Variants in QTMAN observed in about 807,000 individuals in gnomAD.
QTMAN encodes the protein tRNA-queuosine alpha-mannosyltransferase.
chr2:143,966,990 G>C, the QTMAN span, among the ~76,000 whole-genome samples: 4 of 152,354 alleles, frequency 2.6e-5, no homozygotes, highest in East Asian at 7.7e-4. Flanking sequence ...CAATGGTCCT[G>C]CAGTGATACA....
chr2:144,224,710 C>A, the QTMAN span, among the ~76,000 whole-genome samples: 7 of 152,112 alleles, frequency 4.6e-5, no homozygotes, highest in East Asian at 1.4e-3. Flanking sequence ...ACAGCAAGAC[C>A]CTGATAAGAC....
the QTMAN span, among the ~76,000 whole-genome samples, chr2:144,067,661 G>C: frequency 6.6e-6 from 1 of 152,172 alleles, no homozygotes. Flanking sequence ...GGTACCGCCA[G>C]AGAAGAAGGT....
the QTMAN span, among the ~76,000 whole-genome samples, chr2:144,246,561 C>T: frequency 8.8e-6 from 1 of 113,484 alleles, no homozygotes; most frequent in Admixed American, 1.4e-4. Flanking sequence ...GCCTGGGCGA[C>T]AGAGCGAGAC....
the QTMAN span, among the ~76,000 whole-genome samples, chr2:144,161,253 T>C: frequency 6.6e-6 from 1 of 152,174 alleles, no homozygotes; most frequent in Non-Finnish European, 1.5e-5. Context: ...ATCAGATCAC[T>C]TGGACATCAC....
chr2:144,144,586 C>A, the QTMAN span, among the ~76,000 whole-genome samples: 1 of 151,818 alleles, frequency 6.6e-6, no homozygotes, highest in South Asian at 2.1e-4. Flanking sequence ...AATTTTAAAA[C>A]GGCTGCTTTT....
At chr2:144,288,710 G>C in the QTMAN span, among the ~76,000 whole-genome samples, 1 of 152,068 alleles carries the variant, frequency 6.6e-6, no homozygotes, top group African/African-American at 2.4e-5. Flanking sequence ...GAATATCCCT[G>C]GAATTGTCTA....
chr2:144,233,052 G>A, the QTMAN span, among the ~76,000 whole-genome samples: 14 of 152,212 alleles, frequency 9.2e-5, no homozygotes, highest in South Asian at 2.7e-3. Flanking sequence ...CTAAAAGTGA[G>A]TATTCAATTT....
the QTMAN span, among the ~76,000 whole-genome samples, chr2:144,197,585 AAATT>A: frequency 6.6e-6 from 1 of 152,158 alleles, no homozygotes; most frequent in South Asian, 2.1e-4. Context: ...AATTTTGACT[AAATT>A]AATTTATATC....
At chr2:144,215,070 A>C in the QTMAN span, among the ~76,000 whole-genome samples, 3 of 151,962 alleles carry the variant, frequency 2.0e-5, no homozygotes, top group East Asian at 5.8e-4. Context: ...GTGAGGCTCC[A>C]TCTCTACAAA....
chr2:144,237,406 T>C, the QTMAN span: 1 of 152,112 alleles, frequency 6.6e-6, no homozygotes, highest in Admixed American at 6.6e-5. Context: ...TCATTATCTC[T>C]ACACTTCAAA....
At chr2:144,229,616 G>A in the QTMAN span, among the ~76,000 whole-genome samples, 2 of 152,150 alleles carry the variant, frequency 1.3e-5, no homozygotes, top group South Asian at 2.1e-4. Context: ...AAGGATCTTA[G>A]CATATAGGAT....
the QTMAN span, among the ~76,000 whole-genome samples, chr2:144,032,568 G>A: frequency 5.3e-5 from 8 of 152,316 alleles, no homozygotes; most frequent in African/African-American, 1.9e-4. Flanking sequence ...AAGAGAGAAA[G>A]TGGTGGTGGT....
chr2:144,322,965 C>A, the QTMAN span, among the ~76,000 whole-genome samples: 1 of 152,294 alleles, frequency 6.6e-6, no homozygotes, highest in South Asian at 2.1e-4. Context: ...GGGAAGCTGA[C>A]AATAGCACAG....
At chr2:144,153,245 T>A in the QTMAN span, among the ~76,000 whole-genome samples, 16 of 152,236 alleles carry the variant, frequency 1.1e-4, no homozygotes, top group Admixed American at 4.6e-4. Flanking sequence ...ACTAACAATC[T>A]TTTATTTTTT....
the QTMAN span, among the ~76,000 whole-genome samples, chr2:144,136,151 C>T: frequency 2.8e-4 from 43 of 151,880 alleles, no homozygotes; most frequent in African/African-American, 9.2e-4. Flanking sequence ...CATGGTGAAA[C>T]GCCATCTCTA....
At chr2:144,110,269 T>C in the QTMAN span, among the ~76,000 whole-genome samples, 1 of 152,162 alleles carries the variant, frequency 6.6e-6, no homozygotes, top group Admixed American at 6.5e-5. Context: ...GAAACCATCA[T>C]TCTCAGCAAA....
chr2:144,061,609 TGTAAA>T, the QTMAN span, among the ~76,000 whole-genome samples: 5 of 152,312 alleles, frequency 3.3e-5, no homozygotes, highest in East Asian at 1.9e-4. Context: ...TTACCTTCAC[TGTAAA>T]GTAAATTGTA....
At chr2:144,017,083 C>T in the QTMAN span, among the ~76,000 whole-genome samples, 1 of 151,944 alleles carries the variant, frequency 6.6e-6, no homozygotes, top group Non-Finnish European at 1.5e-5. Flanking sequence ...CAGCTCACTG[C>T]AACTTCTGCC....
chr2:143,997,690 A>G, the QTMAN span, among the ~76,000 whole-genome samples: 1 of 152,094 alleles, frequency 6.6e-6, no homozygotes, highest in African/African-American at 2.4e-5. Flanking sequence ...AAAGGAAATG[A>G]AGACAACTCA....
Sources: allele counts gnomAD v4.1 joint callset (sites outside exome capture counted in the v4.1 genomes callset), GRCh38; gene constraint gnomAD v4.1.1; transcripts MANE v1.5; gene names NCBI Gene and HGNC (gene_info 2026-07-23, HGNC 2026-07-21).